POLR1A: variants seen among roughly 807,000 people sequenced by gnomAD.
POLR1A encodes the protein RNA polymerase I subunit A.
Under a neutral mutation model 205.3 loss-of-function variants are expected in POLR1A, and 84 were observed. The observed-to-expected ratio is 0.41, with a 90% CI of 0.34 to 0.49. The LOEUF (loss-of-function observed/expected upper bound fraction) is 0.49. POLR1A is among the 20% of genes least tolerant of loss of function. POLR1A has a pLI of 0.22. For synonymous variants in POLR1A, 799 were observed against 863.7 expected (o/e 0.93, Z 1.31); for missense variants, 1,645 against 2,204.5 (o/e 0.75, Z 5.08).
At position 86,065,299 on chromosome 2, in the gene POLR1A, G is replaced by A. The variant is rs771641759; in HGVS notation, c.2033C>T (p.Pro678Leu). The change falls in exon 14 of 34, where the codon CCC (proline) becomes CTC (leucine). Residue 678 changes from proline (P) to leucine (L), a missense_variant. Pro to Leu is a moderately conservative substitution (Grantham distance 98, BLOSUM62 -3). Coordinates refer to ENST00000263857, the MANE Select transcript of POLR1A (RefSeq NM_015425.6). ...CTGTTTTCCTGTCCACAGCGGAAAG[G>A]GCTTCAGGATGGAAGGAGAAAGGAG... Reference protein sequence around the residue: ...VKLLSPSILKPFPLWTGKQVV... With the variant: ...VKLLSPSILKLFPLWTGKQVV... The A allele has an allele frequency of 6.2e-7, 1 of 1,614,038 alleles. No individual in the cohort carries two copies. The highest frequency in any genetic ancestry group is 8.5e-7 in the Non-Finnish European group (1 of 1,180,000).
In POLR1A at chr2:86,023,656, T is replaced by C. The variant is rs1050482499; in HGVS notation, c.*3767A>G. On this transcript the variant is annotated 3_prime_UTR_variant, in exon 34 of 34. Transcript: ENST00000263857. ...AAAATGGTGTAGCTGCTGTGGAAAA[T>C]GGGACAGCAGTTCCCCCAGAAAAAT... The C allele has an allele frequency of 6.6e-6, 1 of 151,986 alleles. No individual in the cohort carries two copies. The highest frequency in any genetic ancestry group is 1.9e-4 in the East Asian group (1 of 5,180). The allele number at this position is 151,986 out of a possible 1,614,324, so 9.4% of individuals were successfully genotyped here.
intron 14 of POLR1A, among the ~76,000 whole-genome samples, chr2:86,055,531 G>T (rs1672881115): frequency 1.3e-5 from 2 of 152,236 alleles, no homozygotes; most frequent in African/African-American, 2.4e-5. Context: ...AGGCAGGAGA[G>T]TGACACGTCC....
At position 86,029,345 on chromosome 2, in the gene POLR1A, G is replaced by C. The variant is rs953510350; in HGVS notation, c.4780-634C>G. Among the ~76,000 whole-genome samples, 3 of 152,050 alleles carry C rather than the reference G, an allele frequency of 2.0e-5. No individual in the cohort carries two copies. In the South Asian group the frequency reaches 6.2e-4, roughly 32 times the overall value. ...TTGCCAGCTTAGCATAGACTTGTTG[G>C]GGGGTTAGGCTAGAGGGCCCCAGTT... is the stretch of plus-strand genomic sequence containing the variant. On this transcript the variant is annotated intron_variant, in intron 31 of 33. Transcript: ENST00000263857.
chr2:86,104,672 C>T (rs903468619), intron 1 of POLR1A, among the ~76,000 whole-genome samples: 7 of 152,198 alleles, frequency 4.6e-5, no homozygotes, highest in African/African-American at 1.7e-4. Flanking sequence ...TGGTCTCGAT[C>T]TCCCGACCTC....
At chr2:86,085,269 G>C (rs1673484754) in intron 6 of POLR1A, among the ~76,000 whole-genome samples, 2 of 152,152 alleles carry the variant, frequency 1.3e-5, no homozygotes, top group Admixed American at 6.6e-5. Context: ...CCCATGTCCA[G>C]TTATACACTA....
Position 86,040,484 on chromosome 2 carries a change from G to A in POLR1A, c.3648C>T (p.Ala1216=). The A allele has an allele frequency of 6.2e-7, 1 of 1,613,416 alleles. No individual in the cohort carries two copies. The highest frequency in any genetic ancestry group is 8.5e-7 in the Non-Finnish European group (1 of 1,179,728). The change falls in exon 25 of 34, where the codon GCC becomes GCT. Residue 1216 remains alanine, a synonymous_variant. Transcript: ENST00000263857. ...GGGTGGAGGGCTCTCCGATGCTCTG[G>A]GCAGCCAGCAGGCCCACAGCCTCGC... is the stretch of plus-strand genomic sequence containing the variant. The part of the protein sequence containing the change: ...EPGEAVGLLA[A]QSIGEPSTQM...
At chr2:86,033,898 A>T in intron 27 of POLR1A, 111 bp from the exon 28 acceptor site, 1 of 1,332,530 alleles carries the variant, frequency 7.5e-7, no homozygotes. Context: ...AGTGCACGAG[A>T]TGGAGGCCCA....
chr2:86,063,224 A>G (rs930397262), intron 14 of POLR1A, among the ~76,000 whole-genome samples: 1 of 147,772 alleles, frequency 6.8e-6, no homozygotes, highest in African/African-American at 2.5e-5. Flanking sequence ...AATCCCAGCT[A>G]CTTGGGAGGC....
intron 14 of POLR1A, among the ~76,000 whole-genome samples, chr2:86,056,512 T>C (rs577667225): frequency 6.7e-6 from 1 of 148,930 alleles, no homozygotes; most frequent in African/African-American, 2.5e-5. Flanking sequence ...AGATCACTGA[T>C]GAAGGTTGCC....
intron 9 of POLR1A, among the ~76,000 whole-genome samples, chr2:86,079,648 G>A (rs982173030): frequency 9.9e-5 from 15 of 151,972 alleles, no homozygotes; most frequent in Non-Finnish European, 1.8e-4. Flanking sequence ...CTGCAGCCTC[G>A]ACTTCCCTGG....
chr2:86,067,897 A>G (rs1024746574), intron 13 of POLR1A, among the ~76,000 whole-genome samples: 2 of 152,248 alleles, frequency 1.3e-5, no homozygotes, highest in East Asian at 3.8e-4. Flanking sequence ...GAATGAAAGT[A>G]CAGTGAATCT....
At position 86,098,727 on chromosome 2, in the gene POLR1A, T is replaced by A; in HGVS notation, c.316A>T (p.Asn106Tyr). 6.2e-7 allele frequency: 1 copy of A among 1,613,970 alleles called. No individual in the cohort carries two copies. The highest frequency in any genetic ancestry group is 8.5e-7 in the Non-Finnish European group (1 of 1,179,980). Residue 106 changes from asparagine (N) to tyrosine (Y), a missense_variant, in exon 3 of 34, where the codon AAC (asparagine) becomes TAC (tyrosine). This residue lies in a region of POLR1A where 330 missense variants were observed against 375.6 expected (regional missense o/e 0.88). Coordinates refer to ENST00000263857, the MANE Select transcript of POLR1A (RefSeq NM_015425.6). ...LYLLLRGSCL[N>Y]CHMLTCPRAV... ...CGGGGACAAGTCAGCATGTGGCAGT[T>A]TAAACAAGAGCCCCGAAGCAGCAGG... is the stretch of plus-strand genomic sequence containing the variant.
At chr2:86,095,084 A>T (rs887335863) in intron 3 of POLR1A, among the ~76,000 whole-genome samples, 1 of 152,140 alleles carries the variant, frequency 6.6e-6, no homozygotes, top group African/African-American at 2.4e-5. Flanking sequence ...ATGTGCAGGG[A>T]TCCCCTCTCA....
At chr2:86,101,485 C>T (rs908541576) in intron 1 of POLR1A, among the ~76,000 whole-genome samples, 19 of 152,290 alleles carry the variant, frequency 1.2e-4, no homozygotes, top group African/African-American at 4.1e-4. Flanking sequence ...TATATGGTCA[C>T]CTTGCTGCCA....
chr2:86,068,387 G>GGGGC (rs1030290365), intron 13 of POLR1A, among the ~76,000 whole-genome samples: 1 of 26,790 alleles, frequency 3.7e-5, no homozygotes, highest in Non-Finnish European at 1.3e-4. Flanking sequence ...GCACATGGGC[G>GGGGC]GGGGGGGGGG....
intron 9 of POLR1A, 93 bp downstream of exon 9, chr2:86,080,723 A>C (rs903058617): frequency 2.4e-6 from 3 of 1,251,424 alleles, no homozygotes; most frequent in African/African-American, 3.0e-5. Flanking sequence ...ACATCCCAGG[A>C]AGCATCTCCC....
chr2:86,070,450 C>G lies in POLR1A; in HGVS notation c.1612-178G>C, dbSNP rs766347103. Among the ~76,000 whole-genome samples, 1 of 152,114 alleles carries G rather than the reference C, an allele frequency of 6.6e-6. No individual in the cohort carries two copies. Among genetic ancestry groups the G allele is most frequent in the African/African-American group, 2.4e-5 (1 of 41,418 alleles). ...CCTGGAAATCTCTGAGAAATACGTC[C>G]TAGGCCCTTCTGGTCCTGGCCCTTT... On this transcript the variant is annotated intron_variant, in intron 12 of 33. Transcript: ENST00000263857. This position sits in a 1 kb window ranked among gnomAD's most constrained non-coding sequence, Gnocchi z 4.4.
At chr2:86,031,691 C>T in intron 29 of POLR1A, 56 bp from the exon 30 acceptor site, 1 of 1,563,362 alleles carries the variant, frequency 6.4e-7, no homozygotes, top group Non-Finnish European at 8.7e-7. Flanking sequence ...TCTACCTGGA[C>T]TCTGCCTGTG....
At chr2:86,097,500 A>C (rs1673726899) in intron 3 of POLR1A, among the ~76,000 whole-genome samples, 1 of 152,214 alleles carries the variant, frequency 6.6e-6, no homozygotes. Context: ...CTAGATGTCC[A>C]ACAATAGATA....
Sources: allele counts gnomAD v4.1 joint callset (sites outside exome capture counted in the v4.1 genomes callset), GRCh38; gene constraint gnomAD v4.1.1; regional missense constraint gnomAD v4.1.1; non-coding constraint Gnocchi (gnomAD v3.1); transcripts MANE v1.5; gene names NCBI Gene and HGNC (gene_info 2026-07-23, HGNC 2026-07-21).